ARHGEF26: variants seen among roughly 807,000 people sequenced by gnomAD.
ARHGEF26 encodes the protein Rho guanine nucleotide exchange factor 26, also known as Rho guanine nucleotide exchange factor (GEF) 26.
A neutral mutation model predicts 89.4 loss-of-function variants in ARHGEF26; 59 were observed. That is an observed-to-expected ratio of 0.66 (90% CI 0.54 to 0.82). The LOEUF is 0.82. Among genes scored for constraint, ARHGEF26 ranks in the 40% least tolerant of loss-of-function variants. The probability of loss-of-function intolerance (pLI) is 0.00; values close to 1 mark genes in which losing one functional copy is unlikely to be tolerated. For missense variants in ARHGEF26, 1,234 were observed against 1,085.6 expected (o/e 1.14, Z -1.92); for synonymous variants, 500 against 428.4 (o/e 1.17, Z -2.06).
At chr3:154,166,041 A>C (rs1712001515) in intron 6 of ARHGEF26, among the ~76,000 whole-genome samples, 1 of 151,868 alleles carries the variant, frequency 6.6e-6, no homozygotes, top group Non-Finnish European at 1.5e-5. Flanking sequence ...ATTTATATCT[A>C]TTTTTATTTT....
chr3:154,123,123 A>G, intron 2 of ARHGEF26, 48 bp downstream of exon 2: 1 of 1,604,724 alleles, frequency 6.2e-7, no homozygotes, highest in Non-Finnish European at 8.5e-7. Context: ...GCGGAAAGTA[A>G]ATGTGTTGGG....
chr3:154,180,039 C>A (rs760103431), intron 6 of ARHGEF26, among the ~76,000 whole-genome samples: 2 of 152,052 alleles, frequency 1.3e-5, no homozygotes, highest in African/African-American at 4.8e-5. Context: ...ACTTTTGTAT[C>A]GTGGCTTATG....
chr3:154,232,124 G>C (rs1331116368), intron 11 of ARHGEF26, among the ~76,000 whole-genome samples: 1 of 152,106 alleles, frequency 6.6e-6, no homozygotes, highest in African/African-American at 2.4e-5. Flanking sequence ...ATCCCAGGGA[G>C]AGAGCTTCAG....
In ARHGEF26 at chr3:154,122,909, G is replaced by C. The variant is rs750625968; in HGVS notation, c.917G>C (p.Gly306Ala). 1 of 1,613,416 alleles carries C rather than the reference G, an allele frequency of 6.2e-7. No homozygotes were observed. The highest frequency in any genetic ancestry group is 8.5e-7 in the Non-Finnish European group (1 of 1,179,674). ...GTCGATAACGACGTGGATAGCCCAG[G>C]GTCTCTGCGGAGAGGCTTGCGGTCC... is the stretch of plus-strand genomic sequence containing the variant. ...SEVDNDVDSP[G>A]SLRRGLRSTS... The change falls in exon 2 of 15, where the codon GGG becomes GCG. Residue 306 changes from glycine to alanine, a missense_variant. Gly to Ala is a moderately conservative substitution (Grantham distance 60, BLOSUM62 0). Coordinates refer to ENST00000465093, the MANE Select transcript of ARHGEF26 (RefSeq NM_015595.4).
chr3:154,145,535 T>C (rs773746036), intron 4 of ARHGEF26, among the ~76,000 whole-genome samples: 2 of 152,188 alleles, frequency 1.3e-5, no homozygotes, highest in African/African-American at 2.4e-5. Context: ...CTAATGTAAT[T>C]TTTAACTGGC....
intron 2 of ARHGEF26, 31 bp from the exon 3 acceptor site, chr3:154,124,372 CTTTTTTT>C (rs10688646): frequency 5.0e-6 from 5 of 1,007,764 alleles, no homozygotes; most frequent in East Asian, 6.7e-5. Context: ...TTTGCTTTTC[CTTTTTTT>C]TTTTTTTTTT....
chr3:154,186,435 G>T (rs192795769), intron 6 of ARHGEF26, among the ~76,000 whole-genome samples: 3 of 151,970 alleles, frequency 2.0e-5, no homozygotes, highest in Admixed American at 1.3e-4. Flanking sequence ...CTATTTAGGT[G>T]ACCCTAAATT....
chr3:154,157,139 A>C (rs1301701764), intron 6 of ARHGEF26, among the ~76,000 whole-genome samples: 1 of 151,440 alleles, frequency 6.6e-6, no homozygotes, highest in African/African-American at 2.4e-5. Flanking sequence ...TATCAGTAGT[A>C]TGTCTCTGCA....
intron 10 of ARHGEF26, among the ~76,000 whole-genome samples, chr3:154,224,783 A>G (rs1716372064): frequency 6.6e-6 from 1 of 152,118 alleles, no homozygotes; most frequent in Admixed American, 6.6e-5. Flanking sequence ...CGTTTTTTGG[A>G]CCTTCAGGAA....
At chr3:154,202,630 A>G (rs187330345) in intron 9 of ARHGEF26, among the ~76,000 whole-genome samples, 37 of 152,280 alleles carry the variant, frequency 2.4e-4, no homozygotes, top group Admixed American at 1.5e-3. Flanking sequence ...CTTCCTACCC[A>G]TGAGCATGGA....
At chr3:154,155,331 C>G (rs536152618) in intron 6 of ARHGEF26, among the ~76,000 whole-genome samples, 1 of 152,050 alleles carries the variant, frequency 6.6e-6, no homozygotes, top group Admixed American at 6.6e-5. Context: ...GAGAGGTTTT[C>G]TAATGCTCGC....
Position 154,187,844 on chromosome 3 carries a change from A to G in ARHGEF26, c.1640+7A>G, listed in dbSNP as rs1191366868. ...GAACACTACAAAAATTGTTGTAAGC[A>G]ATGTCGAATGCTACAGTTTTAATCA... On this transcript the variant is annotated splice_region_variant and intron_variant, in intron 7 of 14. Coordinates refer to ENST00000465093, the MANE Select transcript of ARHGEF26 (RefSeq NM_015595.4). 2 of 1,604,898 alleles carry G rather than the reference A, an allele frequency of 1.2e-6. No homozygotes were observed. Among genetic ancestry groups the G allele is most frequent in the Admixed American group, 1.7e-5 (1 of 59,202 alleles).
intron 11 of ARHGEF26, among the ~76,000 whole-genome samples, chr3:154,236,886 G>A (rs1344809315): frequency 2.6e-5 from 4 of 152,224 alleles, no homozygotes; most frequent in Non-Finnish European, 4.4e-5. Flanking sequence ...TGGATATTGG[G>A]TGATAGTAAA....
At chr3:154,254,935 A>G in intron 14 of ARHGEF26, 111 bp downstream of exon 14, 1 of 884,238 alleles carries the variant, frequency 1.1e-6, no homozygotes, top group Admixed American at 2.0e-5. Context: ...TGACATGTTA[A>G]TGTTTGAGAT....
chr3:154,166,918 A>G (rs1424108767), intron 6 of ARHGEF26, among the ~76,000 whole-genome samples: 2 of 152,162 alleles, frequency 1.3e-5, no homozygotes, highest in Non-Finnish European at 2.9e-5. Flanking sequence ...CTCTGCACAT[A>G]CAAGTACAGT....
chr3:154,201,990 C>G (rs1164524861), intron 9 of ARHGEF26, among the ~76,000 whole-genome samples: 2 of 152,046 alleles, frequency 1.3e-5, no homozygotes, highest in African/African-American at 4.8e-5. Flanking sequence ...TTTTGCTGTG[C>G]AGAAGCTCTT....
chr3:154,167,004 C>G lies in ARHGEF26; in HGVS notation c.1487+14072C>G, dbSNP rs146668891. On this transcript the variant is annotated intron_variant, in intron 6 of 14. Coordinates refer to ENST00000465093, the MANE Select transcript of ARHGEF26 (RefSeq NM_015595.4). ...ATTTACTTTTAGTCCATCAAACAGC[C>G]AGAGTCTTAAGAATAACACCGAGTA... 3.8e-4 allele frequency among the ~76,000 whole-genome samples: 58 copies of G among 152,210 alleles called. No individual in the cohort carries two copies. The East Asian group carries it at 7.5e-3, about 20-fold the overall frequency.
At chr3:154,137,444 T>G (rs897432829) in intron 4 of ARHGEF26, among the ~76,000 whole-genome samples, 2 of 152,162 alleles carry the variant, frequency 1.3e-5, no homozygotes, top group Non-Finnish European at 2.9e-5. Flanking sequence ...CTTTGCTTTA[T>G]AAATTACCCA....
chr3:154,219,709 C>G (rs148643161), intron 10 of ARHGEF26, among the ~76,000 whole-genome samples: 1 of 151,750 alleles, frequency 6.6e-6, no homozygotes, highest in African/African-American at 2.4e-5. Context: ...GTCAGGAGAT[C>G]GAGACCATCC....
Sources: gnomAD v4.1 joint callset for allele counts (sites outside exome capture counted in the v4.1 genomes callset) on GRCh38, gnomAD v4.1.1 for gene constraint, MANE v1.5 for transcripts, NCBI Gene and HGNC (gene_info 2026-07-23, HGNC 2026-07-21) for gene names.